The following HDAC9 variants were observed in gnomAD, a reference collection of about 807,000 sequenced individuals.
HDAC9 encodes the protein histone deacetylase 9, also known as MEF-2 interacting transcription repressor (MITR) protein.
In HDAC9, 41 loss-of-function variants were observed where a neutral mutation model predicts 139.4. That is an observed-to-expected ratio of 0.29 (90% confidence interval 0.23 to 0.38). HDAC9 has a LOEUF of 0.38. HDAC9 is among the 10% of genes least tolerant of loss of function. The pLI is 1.00. For synonymous variants in HDAC9, 517 were observed against 476.2 expected (o/e 1.09, Z -1.12); for missense variants, 1,147 against 1,297.0 (o/e 0.88, Z 1.78).
At chr7:18,516,427 A>AT (rs778973055) in intron 2 of HDAC9, among the ~76,000 whole-genome samples, 10 of 152,154 alleles carry the variant, frequency 6.6e-5, no homozygotes, top group Non-Finnish European at 1.0e-4. Context: ...AGGAAGGAGG[A>AT]TGTCACCTTA....
At chr7:18,991,871 G>T (rs142018668) in intron 25 of HDAC9, among the ~76,000 whole-genome samples, 26 of 152,334 alleles carry the variant, frequency 1.7e-4, no homozygotes, top group African/African-American at 5.0e-4. Context: ...GGTCAATGGA[G>T]AATGTGAGTT....
chr7:18,121,221 C>A (rs1784348926), intron 1 of HDAC9, among the ~76,000 whole-genome samples: 1 of 152,024 alleles, frequency 6.6e-6, no homozygotes. Flanking sequence ...GGCAAGACTC[C>A]CTCCTCTAGA....
At chr7:18,524,415 G>C (rs965415541) in intron 2 of HDAC9, among the ~76,000 whole-genome samples, 9 of 152,158 alleles carry the variant, frequency 5.9e-5, no homozygotes, top group African/African-American at 1.7e-4. Flanking sequence ...CATCGACTTT[G>C]TGATGAGGCC....
intron 2 of HDAC9, among the ~76,000 whole-genome samples, chr7:18,530,993 T>A (rs981259579): frequency 7.9e-5 from 12 of 151,952 alleles, no homozygotes; most frequent in African/African-American, 2.9e-4. Flanking sequence ...TTAGCCATTT[T>A]AACAATTTTT....
chr7:18,476,069 AT>A (rs1563025715), intron 1 of HDAC9, among the ~76,000 whole-genome samples: 2 of 152,206 alleles, frequency 1.3e-5, no homozygotes, highest in Non-Finnish European at 2.9e-5. Context: ...TGACAAGCCA[AT>A]TTTTGGAAAT....
intron 17 of HDAC9, among the ~76,000 whole-genome samples, chr7:18,797,937 A>C (rs1792949925): frequency 6.6e-6 from 1 of 152,082 alleles, no homozygotes; most frequent in South Asian, 2.1e-4. Flanking sequence ...ATTTCCCCTA[A>C]AAGGTATATT....
At chr7:18,794,013 C>A (rs926667659) in intron 17 of HDAC9, among the ~76,000 whole-genome samples, 1 of 152,124 alleles carries the variant, frequency 6.6e-6, no homozygotes, top group Non-Finnish European at 1.5e-5. Context: ...TTTTCTACAT[C>A]GTATGAAAAG....
chr7:18,707,919 C>T (rs533194777), intron 12 of HDAC9, among the ~76,000 whole-genome samples: 55 of 151,082 alleles, frequency 3.6e-4, no homozygotes, highest in Non-Finnish European at 5.2e-4. Context: ...GAGTTGGAAG[C>T]GATGAGAGCA....
chr7:18,757,288 T>A (rs947858253), intron 14 of HDAC9, among the ~76,000 whole-genome samples: 2 of 152,194 alleles, frequency 1.3e-5, no homozygotes, highest in Non-Finnish European at 2.9e-5. Context: ...AGACAATGGA[T>A]GAAATATTTT....
intron 17 of HDAC9, among the ~76,000 whole-genome samples, chr7:18,796,281 G>GA (rs964714464): frequency 1.3e-5 from 2 of 152,162 alleles, no homozygotes; most frequent in African/African-American, 4.8e-5. Flanking sequence ...GAAAATGCCA[G>GA]AAAAAATTGT....
intron 2 of HDAC9, among the ~76,000 whole-genome samples, chr7:18,554,041 C>T (rs557164584): frequency 4.6e-5 from 7 of 152,158 alleles, no homozygotes; most frequent in South Asian, 2.1e-4. Flanking sequence ...CTGGCTCCTG[C>T]CTAGTAATTA....
chr7:18,604,220 T>C (rs960063416), intron 6 of HDAC9, among the ~76,000 whole-genome samples: 3 of 152,200 alleles, frequency 2.0e-5, no homozygotes, highest in Non-Finnish European at 2.9e-5. Flanking sequence ...TCTCTCTTTC[T>C]TGTTATTTTG....
intron 2 of HDAC9, among the ~76,000 whole-genome samples, chr7:18,553,201 C>G (rs568183372): frequency 1.2e-4 from 18 of 152,190 alleles, no homozygotes; most frequent in African/African-American, 4.3e-4. Context: ...TCCTCTGATA[C>G]ACCCTCACAA....
chr7:18,939,869 C>CA (rs1781900934), intron 23 of HDAC9, among the ~76,000 whole-genome samples: 4 of 152,174 alleles, frequency 2.6e-5, no homozygotes, highest in Admixed American at 2.6e-4. Flanking sequence ...AAAACATTGG[C>CA]AGAACCCGCT....
intron 17 of HDAC9, among the ~76,000 whole-genome samples, chr7:18,827,127 A>T (rs926659652): frequency 4.0e-5 from 6 of 151,718 alleles, no homozygotes; most frequent in Non-Finnish European, 8.8e-5. Flanking sequence ...AATTAAAAAT[A>T]AAATAACCCA....
chr7:18,550,250 C>G (rs949036494), intron 2 of HDAC9, among the ~76,000 whole-genome samples: 7 of 152,126 alleles, frequency 4.6e-5, no homozygotes, highest in African/African-American at 1.7e-4. Flanking sequence ...CCCTACCAAC[C>G]TGTTCTGCTC....
rs1259474683 is a variant in HDAC9 at position 18,935,867 on chromosome 7, T to C, written c.2862T>C (p.Ala954=). The C allele has an allele frequency of 1.2e-6, 2 of 1,613,838 alleles. No individual in the cohort carries two copies. The highest frequency in any genetic ancestry group is 1.1e-5 in the South Asian group (1 of 91,072). Reference sequence around the variant, plus strand: ...TGGCTGATGGACGTGTGGTGTTGGCTCTAGAAGGAGGACATGATCTCACAG... The same window carrying C: ...TGGCTGATGGACGTGTGGTGTTGGCCCTAGAAGGAGGACATGATCTCACAG... ...MTLADGRVVL[A]LEGGHDLTAI... The change falls in exon 23 of 26, where the codon GCT becomes GCC. Residue 954 remains alanine, a synonymous_variant. Transcript: ENST00000686413.
intron 17 of HDAC9, among the ~76,000 whole-genome samples, chr7:18,822,335 T>A (rs111501342): frequency 0.069 from 9,042 of 131,402 alleles, 310 homozygotes; most frequent in African/African-American, 0.094. Flanking sequence ...TTGGTTTTTG[T>A]TTGTTTGTTT....
intron 5 of HDAC9, 26 bp downstream of exon 5, chr7:18,591,668 A>T (rs1359762241): frequency 6.2e-7 from 1 of 1,610,054 alleles, no homozygotes; most frequent in African/African-American, 1.3e-5. Context: ...GGCTGTTTTC[A>T]TTCCTGGGGT....
Sources: allele counts gnomAD v4.1 joint callset (sites outside exome capture counted in the v4.1 genomes callset), GRCh38; gene constraint gnomAD v4.1.1; transcripts MANE v1.5; gene names NCBI Gene and HGNC (gene_info 2026-07-23, HGNC 2026-07-21).